FGF6: variants seen among roughly 807,000 people sequenced by gnomAD.
The protein encoded by FGF6 is fibroblast growth factor 6, also known as FGF-6.
In FGF6, 14 loss-of-function variants were observed where a neutral mutation model predicts 18.4. The observed-to-expected ratio is 0.76, with a 90% CI of 0.50 to 1.19. The LOEUF is 1.19. FGF6 is among the 50% of genes most tolerant of loss of function. The pLI is 0.00. For missense variants in FGF6, 266 were observed against 271.6 expected, an observed-to-expected ratio of 0.98 and a Z score of 0.15; for synonymous variants, 125 against 116.7, an observed-to-expected ratio of 1.07 and a Z score of -0.46.
intron 2 of FGF6, among the ~76,000 whole-genome samples, chr12:4,439,306 T>A (rs974335013): frequency 6.6e-6 from 1 of 152,204 alleles, no homozygotes; most frequent in Admixed American, 6.5e-5. Flanking sequence ...ACTTTGTATG[T>A]CCCTGGAGAG....
intron 2 of FGF6, among the ~76,000 whole-genome samples, chr12:4,439,287 C>T (rs17177291): frequency 2.6e-5 from 4 of 152,134 alleles, no homozygotes; most frequent in Non-Finnish European, 4.4e-5. Context: ...CAGCCTCCCC[C>T]CTGTTCTAAC....
chr12:4,445,201 C>T lies in FGF6; in HGVS notation c.346+24G>A, dbSNP rs17177151. 9,705 of 1,582,662 alleles carry T rather than the reference C, an allele frequency of 6.1e-3. 487 individuals carry two copies. In the African/African-American group the frequency reaches 0.11, roughly 18 times the overall value. On this transcript the variant is annotated intron_variant, in intron 1 of 2. Coordinates refer to ENST00000228837, the MANE Select transcript of FGF6 (RefSeq NM_020996.3). This position sits in a 1 kb window ranked among gnomAD's most constrained non-coding sequence, Gnocchi z 5.5. ...CATGAGCCCAAACCCCCAAGCGTCC[C>T]GACTGGCTGCAGCTGGCACTCACTG... is the stretch of plus-strand genomic sequence containing the variant.
chr12:4,441,292 G>A (rs1865687185), intron 2 of FGF6, among the ~76,000 whole-genome samples: 1 of 152,192 alleles, frequency 6.6e-6, no homozygotes, highest in Non-Finnish European at 1.5e-5. Context: ...ACGAGTAGCT[G>A]GAGGGTAGGT....
Position 4,445,528 on chromosome 12 carries a change from C to G in FGF6, c.43G>C (p.Ala15Pro). The G allele has an allele frequency of 1.2e-6, 2 of 1,609,880 alleles. No homozygotes were observed. Among genetic ancestry groups the G allele is most frequent in the Non-Finnish European group, 1.7e-6 (2 of 1,178,460 alleles). ...QKLFITMSRG[A>P]GRLQGTLWAL... ...CACAGCGTGCCCTGCAGACGTCCTG[C>G]TCCCCGGGACATAGTGATGAACAGT... The change falls in exon 1 of 3, where the codon GCA becomes CCA. Residue 15 changes from alanine (A) to proline (P), a missense_variant. By Grantham distance (27) the Ala-to-Pro change is conservative (BLOSUM62 -1). Transcript: ENST00000228837. The surrounding 1 kb of genome is among the most constrained non-coding windows in gnomAD (Gnocchi z 5.5).
At chr12:4,444,324 C>A (rs1016957851) in intron 1 of FGF6, 88 bp from the exon 2 acceptor site, 1 of 836,670 alleles carries the variant, frequency 1.2e-6, no homozygotes, top group Non-Finnish European at 2.0e-6. Flanking sequence ...AGTCCATCCC[C>A]CTTCTCCTAG....
intron 2 of FGF6, among the ~76,000 whole-genome samples, chr12:4,434,632 C>T (rs1325339867): frequency 6.6e-6 from 1 of 152,112 alleles, no homozygotes; most frequent in Non-Finnish European, 1.5e-5. Context: ...GAAACCAAGG[C>T]CCAGGGACAC....
chr12:4,439,054 A>G (rs1160755035), intron 2 of FGF6, among the ~76,000 whole-genome samples: 2 of 152,230 alleles, frequency 1.3e-5, no homozygotes, highest in Non-Finnish European at 2.9e-5. Context: ...GGAGGAACTC[A>G]GTGGCTTCAA....
In FGF6 at chr12:4,445,679, T is replaced by G. The variant is rs1591694460; in HGVS notation, c.-109A>C. 2.2e-6 allele frequency: 2 copies of G among 892,134 alleles called. No homozygotes were observed. Among genetic ancestry groups the G allele is most frequent in the Middle Eastern group, 2.8e-4 (1 of 3,546 alleles). The allele number at this position is 892,134 out of a possible 1,614,324, so 55.3% of individuals were successfully genotyped here. On this transcript the variant is annotated 5_prime_UTR_variant, in exon 1 of 3. Coordinates refer to ENST00000228837, the MANE Select transcript of FGF6 (RefSeq NM_020996.3). This position sits in a 1 kb window ranked among gnomAD's most constrained non-coding sequence, Gnocchi z 5.5. ...CAGGGGCTTATTTTTGGAAGGCAGATGAAGGCTGCTGACATGAAACCAAAG... is the reference window on the plus strand; with the variant it reads ...CAGGGGCTTATTTTTGGAAGGCAGAGGAAGGCTGCTGACATGAAACCAAAG...
intron 2 of FGF6, among the ~76,000 whole-genome samples, chr12:4,440,010 G>A (rs935010496): frequency 1.1e-4 from 17 of 152,190 alleles, no homozygotes; most frequent in Non-Finnish European, 1.8e-4. Context: ...CTTCATCAGA[G>A]CCCTGAGCTT....
At chr12:4,442,574 T>G (rs933295832) in intron 2 of FGF6, among the ~76,000 whole-genome samples, 5 of 152,238 alleles carry the variant, frequency 3.3e-5, no homozygotes, top group Admixed American at 3.3e-4. Context: ...CTTGCTTGCA[T>G]GGAGTCCCAC....
intron 1 of FGF6, 151 bp from the exon 2 acceptor site, chr12:4,444,387 C>T (rs1865732111): frequency 1.7e-6 from 1 of 604,714 alleles, no homozygotes; most frequent in African/African-American, 1.9e-5. Flanking sequence ...CTAGGAGACC[C>T]TGGCTGCTGG....
intron 2 of FGF6, among the ~76,000 whole-genome samples, chr12:4,441,852 CTG>C (rs925820910): frequency 1.1e-4 from 16 of 152,180 alleles, no homozygotes; most frequent in African/African-American, 3.9e-4. Context: ...TTTTTTTAGA[CTG>C]TGATAACGGC....
Position 4,445,608 on chromosome 12 carries a change from C to A in FGF6, c.-38G>T. 1 of 1,476,134 alleles carries A rather than the reference C, an allele frequency of 6.8e-7. No individual in the cohort carries two copies. 91.4% of individuals were successfully genotyped at this position (1,476,134 alleles called of 1,614,324 possible). A position where few individuals can be genotyped will look rare whatever the true frequency, so the allele number is the denominator to read the frequency against. The stretch of plus-strand genomic sequence containing the variant: ...TCAGGCACGTGGTCAGAATTAATGG[C>A]CCTAAAAATACCGCCCTTCTTGTTT... On this transcript the variant is annotated 5_prime_UTR_variant, in exon 1 of 3. Coordinates refer to ENST00000228837, the MANE Select transcript of FGF6 (RefSeq NM_020996.3). The surrounding 1 kb of genome is among the most constrained non-coding windows in gnomAD (Gnocchi z 5.5).
Position 4,434,406 on chromosome 12 carries a change from G to A in FGF6, c.451-15C>T, listed in dbSNP as rs1865604943. 3 of 1,613,948 alleles carry A rather than the reference G, an allele frequency of 1.9e-6. No individual in the cohort carries two copies. Among genetic ancestry groups the A allele is most frequent in the Non-Finnish European group, 2.5e-6 (3 of 1,179,878 alleles). On this transcript the variant is annotated splice_polypyrimidine_tract_variant and intron_variant, in intron 2 of 2. Coordinates refer to ENST00000228837, the MANE Select transcript of FGF6 (RefSeq NM_020996.3). ...TGGAAGCTGGGCTGTGGAAGACATGGGCAAACAGCAGAGACTGGGTTACAA... is the reference window on the plus strand; with the variant it reads ...TGGAAGCTGGGCTGTGGAAGACATGAGCAAACAGCAGAGACTGGGTTACAA...
At chr12:4,437,988 A>C (rs1350404326) in intron 2 of FGF6, among the ~76,000 whole-genome samples, 1 of 152,218 alleles carries the variant, frequency 6.6e-6, no homozygotes, top group Non-Finnish European at 1.5e-5. Context: ...CCTTAAAAGA[A>C]GAACAGAAAT....
At chr12:4,440,059 T>C (rs1323087359) in intron 2 of FGF6, among the ~76,000 whole-genome samples, 1 of 152,222 alleles carries the variant, frequency 6.6e-6, no homozygotes, top group Non-Finnish European at 1.5e-5. Context: ...CCCTCAGCTC[T>C]GGTGAAGAAC....
intron 2 of FGF6, among the ~76,000 whole-genome samples, chr12:4,435,898 G>A (rs1019398): frequency 0.25 from 37,258 of 151,980 alleles, 4,818 homozygotes; most frequent in Middle Eastern, 0.3. Flanking sequence ...TTGTGGGGAA[G>A]CAGCTGGGTC....
At chr12:4,442,100 G>A (rs147004165) in intron 2 of FGF6, among the ~76,000 whole-genome samples, 5 of 152,138 alleles carry the variant, frequency 3.3e-5, no homozygotes, top group African/African-American at 4.8e-5. Flanking sequence ...GGTGAAGGGC[G>A]CCGGGTCTTT....
intron 2 of FGF6, among the ~76,000 whole-genome samples, chr12:4,438,778 A>AAAAAAG (rs3051074): frequency 6.7e-6 from 1 of 149,864 alleles, no homozygotes; most frequent in Admixed American, 6.7e-5. Flanking sequence ...AAAAAAAAAA[A>AAAAAAG]GAGGAGTAAC....
Sources: gnomAD v4.1 joint callset for allele counts (sites outside exome capture counted in the v4.1 genomes callset) on GRCh38, gnomAD v4.1.1 for gene constraint, Gnocchi (gnomAD v3.1) non-coding constraint, MANE v1.5 for transcripts, NCBI Gene and HGNC (gene_info 2026-07-23, HGNC 2026-07-21) for gene names.